CHL1: variants seen among roughly 807,000 people sequenced by gnomAD.
CHL1 encodes cell adhesion molecule L1 like.
In CHL1, 96 loss-of-function variants were observed where a neutral mutation model predicts 141.9. That is an observed-to-expected ratio of 0.68 (90% CI 0.57 to 0.80). The LOEUF is 0.80. Among genes scored for constraint, CHL1 ranks in the 30% least tolerant of loss-of-function variants. CHL1 has a pLI of 0.00. For synonymous variants in CHL1, 613 were observed against 502.2 expected, an observed-to-expected ratio of 1.22 and a Z score of -2.95; for missense variants, 1,820 against 1,457.2, an observed-to-expected ratio of 1.25 and a Z score of -4.05.
At chr3:258,928 C>G (rs1197486726) in intron 2 of CHL1, among the ~76,000 whole-genome samples, 1 of 146,418 alleles carries the variant, frequency 6.8e-6, no homozygotes, top group Admixed American at 6.9e-5. Flanking sequence ...AAACGTATGG[C>G]AACATCTTTT....
intron 2 of CHL1, among the ~76,000 whole-genome samples, chr3:292,649 T>A (rs145673270): frequency 6.6e-6 from 1 of 152,268 alleles, no homozygotes; most frequent in African/African-American, 2.4e-5. Flanking sequence ...AGAAAAGAGG[T>A]TAGTTGGCTC....
At chr3:399,277 G>A in intron 26 of CHL1, 129 bp downstream of exon 26, 1 of 673,370 alleles carries the variant, frequency 1.5e-6, no homozygotes. Context: ...GATGTACAAT[G>A]CACTGACAGG....
At chr3:225,748 G>A (rs1191625715) in intron 1 of CHL1, among the ~76,000 whole-genome samples, 1 of 152,088 alleles carries the variant, frequency 6.6e-6, no homozygotes, top group Admixed American at 6.5e-5. Flanking sequence ...GGTGGCTCAC[G>A]CCTGTAATCC....
intron 2 of CHL1, among the ~76,000 whole-genome samples, chr3:256,958 C>T (rs375678188): frequency 1.3e-5 from 2 of 152,186 alleles, no homozygotes; most frequent in African/African-American, 4.8e-5. Flanking sequence ...TGGAAATTCC[C>T]ATTCAAGGGG....
At chr3:395,002 C>G (rs758654149) in intron 24 of CHL1, 130 bp downstream of exon 24, 2 of 755,684 alleles carry the variant, frequency 2.6e-6, no homozygotes, top group Non-Finnish European at 2.0e-6. Flanking sequence ...CCCACTCTGT[C>G]TGACCTTCTG....
intron 2 of CHL1, among the ~76,000 whole-genome samples, chr3:268,053 A>G (rs1236614944): frequency 6.6e-6 from 1 of 152,132 alleles, no homozygotes; most frequent in East Asian, 1.9e-4. Flanking sequence ...TCATTATCGC[A>G]TTCTCTGTTT....
intron 23 of CHL1, among the ~76,000 whole-genome samples, chr3:394,361 T>C (rs1481958763): frequency 2.0e-5 from 3 of 152,138 alleles, no homozygotes; most frequent in Non-Finnish European, 4.4e-5. Flanking sequence ...TATTAATGCG[T>C]ATTATGAAGC....
In CHL1 at chr3:307,302, A is replaced by G. The variant is rs145969510; in HGVS notation, c.-94-12381A>G. On this transcript the variant is annotated intron_variant, in intron 2 of 27. Coordinates refer to ENST00000256509, the MANE Select transcript of CHL1 (RefSeq NM_006614.4). The stretch of plus-strand genomic sequence containing the variant: ...CACATATGCTCATAAGTATGTGTAC[A>G]CATGCACAAGCATGCATTTACACAC... 4.5e-3 allele frequency among the ~76,000 whole-genome samples: 691 copies of G among 152,342 alleles called. 3 individuals carry two copies. The highest frequency in any genetic ancestry group is 0.015 in the African/African-American group (635 of 41,582).
chr3:389,244 T>C lies in CHL1; in HGVS notation c.2248-8T>C. On this transcript the variant is annotated splice_polypyrimidine_tract_variant and splice_region_variant and intron_variant, in intron 19 of 27. Transcript: ENST00000256509. ...ATCAGACTAAATGAGTCTTGCCTTC[T>C]GTTTTAGCCTTTGAAATCCATGGAG... 3 of 1,589,514 alleles carry C rather than the reference T, an allele frequency of 1.9e-6. No homozygotes were observed. The highest frequency in any genetic ancestry group is 1.7e-6 in the Non-Finnish European group (2 of 1,166,700).
Position 344,743 on chromosome 3 carries a change from C to G in CHL1, c.848+34C>G, listed in dbSNP as rs372301310. 9 of 1,604,796 alleles carry G rather than the reference C, an allele frequency of 5.6e-6. No individual in the cohort carries two copies. The African/African-American group carries it at 1.2e-4, about 22-fold the overall frequency. On this transcript the variant is annotated intron_variant, in intron 9 of 27. Transcript: ENST00000256509. ...CCTGACTCTCACTCATGACTTTGTCCATCCAGTTCTGTAAAGAATAAGACA... is the reference window on the plus strand; with the variant it reads ...CCTGACTCTCACTCATGACTTTGTCGATCCAGTTCTGTAAAGAATAAGACA...
At chr3:346,603 A>G (rs189898527) in intron 9 of CHL1, among the ~76,000 whole-genome samples, 90 of 152,324 alleles carry the variant, frequency 5.9e-4, no homozygotes, top group African/African-American at 2.1e-3. Context: ...GGAATATATA[A>G]AAACAGAGTG....
At chr3:291,136 A>T (rs1697657245) in intron 2 of CHL1, among the ~76,000 whole-genome samples, 1 of 152,010 alleles carries the variant, frequency 6.6e-6, no homozygotes, top group Admixed American at 6.6e-5. Flanking sequence ...GTATTTCATT[A>T]TGAGTAGTGA....
At chr3:391,243 AGTG>A in intron 22 of CHL1, 84 bp downstream of exon 22, 1 of 1,099,526 alleles carries the variant, frequency 9.1e-7, no homozygotes, top group Non-Finnish European at 1.4e-6. Flanking sequence ...GGCCAGGCAC[AGTG>A]GCTCATGCCT....
chr3:379,427 A>T (rs1435620592), intron 16 of CHL1, among the ~76,000 whole-genome samples: 1 of 152,094 alleles, frequency 6.6e-6, no homozygotes, highest in Admixed American at 6.5e-5. Flanking sequence ...AGAAAGGTTT[A>T]ATCCCCTAGG....
chr3:396,758 G>A (rs772866516), intron 24 of CHL1, among the ~76,000 whole-genome samples: 17 of 152,028 alleles, frequency 1.1e-4, no homozygotes, highest in Admixed American at 1.3e-4. Flanking sequence ...CCCTTCCCGA[G>A]TTGACACTGA....
At chr3:291,030 A>G (rs1042027933) in intron 2 of CHL1, among the ~76,000 whole-genome samples, 1 of 152,048 alleles carries the variant, frequency 6.6e-6, no homozygotes, top group East Asian at 1.9e-4. Context: ...GCTTAATAAC[A>G]TAGTCATTGA....
At chr3:403,494 C>G (rs1022351617) in intron 27 of CHL1, among the ~76,000 whole-genome samples, 3 of 152,106 alleles carry the variant, frequency 2.0e-5, no homozygotes, top group Non-Finnish European at 4.4e-5. Flanking sequence ...TTGCAGTAAG[C>G]TGAGATTGTG....
intron 2 of CHL1, among the ~76,000 whole-genome samples, chr3:279,966 G>C: frequency 6.6e-6 from 1 of 152,046 alleles, no homozygotes; most frequent in African/African-American, 2.4e-5. Flanking sequence ...ACCACTGTAG[G>C]AAAATGTAGA....
chr3:369,582 C>G (rs188549389), intron 15 of CHL1, among the ~76,000 whole-genome samples: 3 of 152,210 alleles, frequency 2.0e-5, no homozygotes, highest in Non-Finnish European at 4.4e-5. Context: ...ATATGAATAC[C>G]CTTTATTTTT....
Sources: gnomAD v4.1 joint callset for allele counts (sites outside exome capture counted in the v4.1 genomes callset) on GRCh38, gnomAD v4.1.1 for gene constraint, MANE v1.5 for transcripts, NCBI Gene and HGNC (gene_info 2026-07-23, HGNC 2026-07-21) for gene names.